MAPK8: variants seen among roughly 807,000 people sequenced by gnomAD.
MAPK8 encodes JUN N-terminal kinase.
MAPK8 carries 13 observed loss-of-function variants against 52.9 expected under a neutral mutation model. The ratio of observed to expected loss-of-function variants is 0.25; its 90% CI spans 0.16 to 0.39. The LOEUF (loss-of-function observed/expected upper bound fraction) is 0.39. MAPK8 is among the 10% of genes least tolerant of loss of function. The probability of loss-of-function intolerance (pLI) is 1.00; values close to 1 mark genes in which losing one functional copy is unlikely to be tolerated. For missense variants in MAPK8, 300 were observed against 519.2 expected (o/e 0.58, Z 4.10); for synonymous variants, 191 against 169.8 (o/e 1.12, Z -0.97).
At chr10:48,402,743 T>TA (rs1312600199) in intron 2 of MAPK8, among the ~76,000 whole-genome samples, 1 of 152,170 alleles carries the variant, frequency 6.6e-6, no homozygotes, top group African/African-American at 2.4e-5. Context: ...TCCTAGGTTC[T>TA]AAAAAAACTG....
In MAPK8 at chr10:48,437,296, G is replaced by C. The variant is rs1177103566; in HGVS notation, c.*2267G>C. On this transcript the variant is annotated 3_prime_UTR_variant, in exon 12 of 12. Transcript: ENST00000374189. ...CAAATACAGTTTTCGTCTTAAATTT[G>C]TTAAGCTAAATATATGTTGGTTCTT... 6.6e-6 allele frequency: 1 copy of C among 152,060 alleles called. No homozygotes were observed. The highest frequency in any genetic ancestry group is 2.4e-5 in the African/African-American group (1 of 41,398). The allele number at this position is 152,060 out of a possible 1,614,324, so 9.4% of individuals were successfully genotyped here.
intron 1 of MAPK8, among the ~76,000 whole-genome samples, chr10:48,333,321 G>T (rs190787687): frequency 6.6e-6 from 1 of 152,162 alleles, no homozygotes; most frequent in Non-Finnish European, 1.5e-5. Flanking sequence ...TAGGTGTGGG[G>T]TGCTTACTAT....
intron 1 of MAPK8, among the ~76,000 whole-genome samples, chr10:48,395,963 C>A (rs562020435): frequency 6.6e-6 from 1 of 151,992 alleles, no homozygotes; most frequent in Non-Finnish European, 1.5e-5. Flanking sequence ...AACTCTTATA[C>A]AACAGTTATC....
chr10:48,402,569 A>T (rs1462129992), intron 2 of MAPK8, among the ~76,000 whole-genome samples: 1 of 152,230 alleles, frequency 6.6e-6, no homozygotes, highest in African/African-American at 2.4e-5. Flanking sequence ...TAGTTCTGAT[A>T]CTGATTGCAG....
chr10:48,420,362 T>G, intron 6 of MAPK8, 42 bp downstream of exon 6: 2 of 1,502,976 alleles, frequency 1.3e-6, no homozygotes, highest in Non-Finnish European at 1.8e-6. Flanking sequence ...CTGATTTAGC[T>G]TTTTTCTTTA....
chr10:48,434,769 T>G, intron 11 of MAPK8, 115 bp from the exon 12 acceptor site: 1 of 787,508 alleles, frequency 1.3e-6, no homozygotes, highest in Non-Finnish European at 1.9e-6. Context: ...TTATTTTTAG[T>G]GAGCCTTCGA....
chr10:48,365,880 A>G (rs1192361512), intron 1 of MAPK8, among the ~76,000 whole-genome samples: 3 of 152,268 alleles, frequency 2.0e-5, no homozygotes, highest in East Asian at 1.9e-4. Context: ...AACTTCATCT[A>G]AACCTTAATT....
chr10:48,314,335 A>T (rs1040332056), intron 1 of MAPK8, among the ~76,000 whole-genome samples: 29 of 152,074 alleles, frequency 1.9e-4, no homozygotes, highest in African/African-American at 6.8e-4. Flanking sequence ...GTTAACTCCT[A>T]AAGGTCTCTC....
chr10:48,432,825 G>A (rs1282367375), intron 11 of MAPK8, among the ~76,000 whole-genome samples: 1 of 152,152 alleles, frequency 6.6e-6, no homozygotes, highest in Non-Finnish European at 1.5e-5. Flanking sequence ...TAGAAATTGA[G>A]GTTTCTAGAC....
intron 1 of MAPK8, among the ~76,000 whole-genome samples, chr10:48,362,396 G>A (rs1847617760): frequency 1.3e-5 from 2 of 152,092 alleles, no homozygotes; most frequent in Non-Finnish European, 2.9e-5. Context: ...AACTTTGAGT[G>A]TTTTATTTCT....
At chr10:48,364,417 T>A (rs992292138) in intron 1 of MAPK8, among the ~76,000 whole-genome samples, 4 of 152,112 alleles carry the variant, frequency 2.6e-5, no homozygotes, top group Non-Finnish European at 4.4e-5. Context: ...ATTGACCCTG[T>A]TGATATTGCC....
intron 1 of MAPK8, among the ~76,000 whole-genome samples, chr10:48,333,628 C>G (rs1039046084): frequency 2.7e-5 from 4 of 148,538 alleles, no homozygotes; most frequent in African/African-American, 9.9e-5. Context: ...TGCAAGTGAT[C>G]AGGTTCCTCT....
intron 1 of MAPK8, among the ~76,000 whole-genome samples, chr10:48,311,443 T>C (rs1355414559): frequency 6.6e-6 from 1 of 152,210 alleles, no homozygotes; most frequent in African/African-American, 2.4e-5. Context: ...AAGCAAATAT[T>C]GAAGGGAACA....
intron 1 of MAPK8, among the ~76,000 whole-genome samples, chr10:48,377,228 A>AG (rs576174121): frequency 8.8e-4 from 134 of 152,082 alleles, no homozygotes; most frequent in Non-Finnish European, 1.5e-3. Context: ...GGTTTGGGGG[A>AG]GGGATAGCAT....
At chr10:48,411,654 C>T (rs550910379) in intron 5 of MAPK8, among the ~76,000 whole-genome samples, 1 of 152,272 alleles carries the variant, frequency 6.6e-6, no homozygotes, top group East Asian at 1.9e-4. Context: ...GCAGAAAGGG[C>T]AATTAGAATT....
intron 1 of MAPK8, among the ~76,000 whole-genome samples, chr10:48,356,608 G>T (rs576900315): frequency 6.6e-6 from 1 of 152,010 alleles, no homozygotes; most frequent in African/African-American, 2.4e-5. Context: ...TCAGGAGGCC[G>T]AGGCAGGTGG....
chr10:48,408,096 C>T (rs1233600328), intron 3 of MAPK8, among the ~76,000 whole-genome samples: 1 of 152,170 alleles, frequency 6.6e-6, no homozygotes, highest in Admixed American at 6.5e-5. Flanking sequence ...AAAAGAAAAA[C>T]ATCAATTCTG....
At chr10:48,320,801 CTG>C (rs978774197) in intron 1 of MAPK8, among the ~76,000 whole-genome samples, 1 of 152,078 alleles carries the variant, frequency 6.6e-6, no homozygotes, top group African/African-American at 2.4e-5. Context: ...AACTGCCAAA[CTG>C]TTTTTCAAAG....
chr10:48,318,473 G>A (rs1297895859), intron 1 of MAPK8, among the ~76,000 whole-genome samples: 1 of 152,212 alleles, frequency 6.6e-6, no homozygotes. Context: ...AATGCTTATT[G>A]TGTGGTGGTG....
Sources: allele counts gnomAD v4.1 joint callset (sites outside exome capture counted in the v4.1 genomes callset), GRCh38; gene constraint gnomAD v4.1.1; transcripts MANE v1.5; gene names NCBI Gene and HGNC (gene_info 2026-07-23, HGNC 2026-07-21).